Variants in ZNF761 observed in about 807,000 individuals in gnomAD.
The protein encoded by ZNF761 is zinc finger protein 761.
ZNF761 carries 43 observed loss-of-function variants against 59.9 expected under a neutral mutation model. The observed-to-expected ratio is 0.72, with a 90% CI of 0.56 to 0.92. The LOEUF (loss-of-function observed/expected upper bound fraction) is 0.92, where lower values mean the gene tolerates loss of function less well. Among genes scored for constraint, ZNF761 ranks in the 40% least tolerant of loss-of-function variants. The pLI, the probability that ZNF761 is intolerant of heterozygous loss-of-function variation, is 0.00. For missense variants in ZNF761, 850 were observed against 906.1 expected, an observed-to-expected ratio of 0.94 and a Z score of 0.79; for synonymous variants, 294 against 304.8, an observed-to-expected ratio of 0.96 and a Z score of 0.37.
chr19:53,455,152 C>G lies in ZNF761; in HGVS notation c.645C>G (p.Phe215Leu). ...AAGTACACATGAGAGAAAAATCTTT[C>G]CAATGTAATGAGAGTGGCAAAGCCT... Reference protein sequence around the residue: ...KQEVHMREKSFQCNESGKAFN... With the variant: ...KQEVHMREKSLQCNESGKAFN... Residue 215 changes from phenylalanine (F) to leucine (L), a missense_variant, in exon 5 of 5, where the codon TTC becomes TTG. Transcript: ENST00000684525. 3.7e-6 allele frequency: 6 copies of G among 1,614,166 alleles called. No individual in the cohort carries two copies. The highest frequency in any genetic ancestry group is 5.1e-6 in the Non-Finnish European group (6 of 1,180,034).
intron 1 of ZNF761, among the ~76,000 whole-genome samples, chr19:53,435,354 G>C (rs1167354825): frequency 1.6e-5 from 2 of 128,662 alleles, no homozygotes; most frequent in Non-Finnish European, 3.1e-5. Context: ...GCCCAGTCTG[G>C]AGTGCAATGG....
At chr19:53,446,727 T>A (rs1343797190) in intron 2 of ZNF761, among the ~76,000 whole-genome samples, 1 of 152,164 alleles carries the variant, frequency 6.6e-6, no homozygotes, top group African/African-American at 2.4e-5. Context: ...CAGGCTGGTC[T>A]CAAACTCCTG....
chr19:53,449,968 G>A (rs1213294736), intron 4 of ZNF761: 2 of 499,584 alleles, frequency 4.0e-6, no homozygotes, highest in East Asian at 3.2e-5. Flanking sequence ...GATTACAGGT[G>A]CCAACCACCA....
At chr19:53,433,911 TAC>T (rs1173804570) in intron 1 of ZNF761, among the ~76,000 whole-genome samples, 1 of 152,250 alleles carries the variant, frequency 6.6e-6, no homozygotes, top group African/African-American at 2.4e-5. Flanking sequence ...TTTTCATTCT[TAC>T]AGTTATTTCT....
intron 4 of ZNF761, among the ~76,000 whole-genome samples, chr19:53,451,328 A>T (rs1351352324): frequency 6.6e-6 from 1 of 152,124 alleles, no homozygotes; most frequent in Non-Finnish European, 1.5e-5. Flanking sequence ...CTCCTGCCTC[A>T]GTGTCATGAG....
intron 1 of ZNF761, among the ~76,000 whole-genome samples, chr19:53,436,049 G>A (rs57344175): frequency 0.013 from 1,929 of 152,226 alleles, 44 homozygotes; most frequent in African/African-American, 0.043. Flanking sequence ...CAGGGCTGTC[G>A]TCCTCAGCAG....
intron 1 of ZNF761, among the ~76,000 whole-genome samples, chr19:53,435,932 C>T (rs541689352): frequency 4.6e-5 from 7 of 152,318 alleles, no homozygotes; most frequent in East Asian, 1.9e-4. Flanking sequence ...CCTCAAGCTT[C>T]GGCCGTGCGT....
chr19:53,440,909 C>T (rs993210857), intron 1 of ZNF761, among the ~76,000 whole-genome samples: 1 of 152,128 alleles, frequency 6.6e-6, no homozygotes, highest in Admixed American at 6.6e-5. Context: ...ATCCTGAGCT[C>T]GAAGGATCTT....
rs759886478 is a variant in ZNF761 at position 53,456,358 on chromosome 19, G to A, written c.1851G>A (p.Arg617=). 3.1e-6 allele frequency: 5 copies of A among 1,613,908 alleles called. No homozygotes were observed. The highest frequency in any genetic ancestry group is 4.2e-6 in the Non-Finnish European group (5 of 1,179,910). The change falls in exon 5 of 5, where the codon CGG becomes CGA. Residue 617 remains arginine, a synonymous_variant. Coordinates refer to ENST00000684525, the MANE Select transcript of ZNF761 (RefSeq NM_001289951.2). ...KCNECGKTFS[R]TSSLTCHRRL... Reference sequence around the variant, plus strand: ...ATGAGTGTGGCAAGACCTTCAGTCGGACGTCATCCCTTACATGCCATCGTA... The same window carrying A: ...ATGAGTGTGGCAAGACCTTCAGTCGAACGTCATCCCTTACATGCCATCGTA...
chr19:53,440,561 A>T (rs577010285), intron 1 of ZNF761, among the ~76,000 whole-genome samples: 2 of 152,346 alleles, frequency 1.3e-5, no homozygotes, highest in Admixed American at 1.3e-4. Context: ...GCCAGAGGGC[A>T]GTGACTTATT....
intron 1 of ZNF761, among the ~76,000 whole-genome samples, chr19:53,441,593 C>T (rs371039310): frequency 3.3e-5 from 5 of 151,816 alleles, no homozygotes; most frequent in Non-Finnish European, 5.9e-5. Flanking sequence ...ACTACAGTCC[C>T]GCACCACCAC....
chr19:53,438,047 TA>T (rs1259777008), intron 1 of ZNF761, among the ~76,000 whole-genome samples: 2 of 115,584 alleles, frequency 1.7e-5, no homozygotes, highest in African/African-American at 5.9e-5. Context: ...GGTCTGTCTG[TA>T]AGATCTTTCT....
chr19:53,448,508 G>A (rs1055119669), intron 3 of ZNF761, among the ~76,000 whole-genome samples: 6 of 152,148 alleles, frequency 3.9e-5, no homozygotes, highest in African/African-American at 1.4e-4. Flanking sequence ...AGCAAGTCCC[G>A]TTCACGTGTA....
At chr19:53,442,245 G>A (rs867165178) in intron 1 of ZNF761, 1 of 1,263,548 alleles carries the variant, frequency 7.9e-7, no homozygotes. Context: ...GTATGAAGAG[G>A]TGGCTCGTAA....
At chr19:53,438,568 A>G (rs1242009912) in intron 1 of ZNF761, among the ~76,000 whole-genome samples, 2 of 152,170 alleles carry the variant, frequency 1.3e-5, no homozygotes, top group Admixed American at 1.3e-4. Flanking sequence ...TTTTTAAAAG[A>G]GGGGCTCCTT....
chr19:53,455,415 G>A lies in ZNF761; in HGVS notation c.908G>A (p.Cys303Tyr), dbSNP rs913441930. The change falls in exon 5 of 5, where the codon TGT becomes TAT. Residue 303 changes from cysteine (C) to tyrosine (Y), a missense_variant. Cys to Tyr is a radical substitution (Grantham distance 194). Transcript: ENST00000684525. ...TGEKPYKCEECDKAFHFKSIL... is the reference protein window; with the variant it reads ...TGEKPYKCEEYDKAFHFKSIL... ...GAGAAACCTTACAAATGTGAAGAAT[G>A]TGACAAAGCTTTCCATTTCAAATCA... 5.6e-6 allele frequency: 9 copies of A among 1,613,810 alleles called. No individual in the cohort carries two copies. The African/African-American group carries it at 6.7e-5, about 12-fold the overall frequency.
intron 3 of ZNF761, among the ~76,000 whole-genome samples, chr19:53,448,518 A>G (rs1473613087): frequency 6.6e-6 from 1 of 152,192 alleles, no homozygotes; most frequent in Non-Finnish European, 1.5e-5. Flanking sequence ...GTTCACGTGT[A>G]TTTCTACATC....
At chr19:53,441,052 C>T (rs542551632) in intron 1 of ZNF761, among the ~76,000 whole-genome samples, 171 of 152,260 alleles carry the variant, frequency 1.1e-3, no homozygotes, top group African/African-American at 4.0e-3. Context: ...GAGACAGAGG[C>T]GAGTGGGTCA....
rs1321877464 is a variant in ZNF761 at position 53,456,531 on chromosome 19, CAT to C, written c.2027_2028del (p.Tyr676PhefsTer6). On this transcript the variant is annotated frameshift_variant, in exon 5 of 5. Coordinates refer to ENST00000684525, the MANE Select transcript of ZNF761 (RefSeq NM_001289951.2). LOFTEE classifies it high-confidence loss of function. ...TGTGGCAAGACCTTTAGTCGGAAGT[CAT>C]ATTTTATATGCCATCATAGACTTCA... is the stretch of plus-strand genomic sequence containing the variant. The C allele has an allele frequency of 2.5e-5, 41 of 1,611,986 alleles. No homozygotes were observed. Among genetic ancestry groups the C allele is most frequent in the Middle Eastern group, 3.3e-4 (2 of 6,074 alleles).
Sources: allele counts gnomAD v4.1 joint callset (sites outside exome capture counted in the v4.1 genomes callset), GRCh38; gene constraint gnomAD v4.1.1; transcripts MANE v1.5; gene names NCBI Gene and HGNC (gene_info 2026-07-23, HGNC 2026-07-21).